Variants in PIWIL4 observed in about 807,000 individuals in gnomAD.
The protein encoded by PIWIL4 is piwi like RNA-mediated gene silencing 4.
PIWIL4 carries 50 observed loss-of-function variants against 100.9 expected under a neutral mutation model. The ratio of observed to expected loss-of-function variants is 0.50; its 90% CI spans 0.39 to 0.63. The LOEUF (loss-of-function observed/expected upper bound fraction) is 0.63, where lower values mean the gene tolerates loss of function less well. Ranked by LOEUF, PIWIL4 falls within the 20% of genes least tolerant of loss-of-function variation. The probability of loss-of-function intolerance (pLI) is 0.00; values close to 1 mark genes in which losing one functional copy is unlikely to be tolerated. For synonymous variants in PIWIL4, 342 were observed against 367.5 expected, an observed-to-expected ratio of 0.93 and a Z score of 0.79; for missense variants, 887 against 1,043.3, an observed-to-expected ratio of 0.85 and a Z score of 2.06.
chr11:94,607,390 T>A (rs1233255522), intron 13 of PIWIL4, 49 bp from the exon 14 acceptor site: 1 of 1,514,588 alleles, frequency 6.6e-7, no homozygotes, highest in African/African-American at 1.4e-5. Flanking sequence ...AGCAACTTCT[T>A]AGCAGAAGTA....
Position 94,619,886 on chromosome 11 carries a change from G to T in PIWIL4, c.2294+1G>T. 1 of 1,614,200 alleles carries T rather than the reference G, an allele frequency of 6.2e-7. No individual in the cohort carries two copies. The highest frequency in any genetic ancestry group is 8.5e-7 in the Non-Finnish European group (1 of 1,180,036). ...ATTCAGAAGCAACACGTAACGAATGGCAAGTGCCGCTGGAAAATCAATTTT... is the reference window on the plus strand; with the variant it reads ...ATTCAGAAGCAACACGTAACGAATGTCAAGTGCCGCTGGAAAATCAATTTT... On this transcript the variant is annotated splice_donor_variant, in intron 18 of 19. Coordinates refer to ENST00000299001, the MANE Select transcript of PIWIL4 (RefSeq NM_152431.3). LOFTEE classifies it high-confidence loss of function.
chr11:94,594,702 T>G (rs1328625370), intron 9 of PIWIL4, among the ~76,000 whole-genome samples: 2 of 151,986 alleles, frequency 1.3e-5, no homozygotes. Flanking sequence ...CTGGCTAGTT[T>G]TGTATTTTTA....
intron 8 of PIWIL4, among the ~76,000 whole-genome samples, chr11:94,589,446 C>T (rs1948451553): frequency 6.6e-6 from 1 of 152,114 alleles, no homozygotes; most frequent in African/African-American, 2.4e-5. Context: ...AGTAATCTCC[C>T]TTTAAAGCAT....
intron 2 of PIWIL4, among the ~76,000 whole-genome samples, chr11:94,570,623 G>T (rs1245980911): frequency 1.3e-5 from 2 of 152,140 alleles, no homozygotes; most frequent in Non-Finnish European, 2.9e-5. Context: ...GGGCGTGATG[G>T]CTCATGCCTG....
chr11:94,613,483 G>A (rs1485088158), intron 15 of PIWIL4, among the ~76,000 whole-genome samples: 1 of 152,120 alleles, frequency 6.6e-6, no homozygotes, highest in African/African-American at 2.4e-5. Context: ...CGTGTACCTG[G>A]ATGTTCCTAT....
intron 2 of PIWIL4, among the ~76,000 whole-genome samples, chr11:94,571,171 A>G (rs771919048): frequency 3.3e-4 from 50 of 152,194 alleles, no homozygotes; most frequent in Non-Finnish European, 6.9e-4. Flanking sequence ...CTACTCTGAC[A>G]GGCCCAGTGC....
intron 19 of PIWIL4, 51 bp downstream of exon 19, chr11:94,620,195 C>T (rs769249909): frequency 1.3e-6 from 2 of 1,509,962 alleles, no homozygotes; most frequent in South Asian, 2.6e-5. Context: ...AGAGTCCCAC[C>T]TAGGAATTAT....
intron 11 of PIWIL4, among the ~76,000 whole-genome samples, 198 bp downstream of exon 11, chr11:94,598,113 G>T (rs969108790): frequency 6.6e-6 from 1 of 152,078 alleles, no homozygotes; most frequent in Non-Finnish European, 1.5e-5. Context: ...GGCACCCAGT[G>T]GACATGATTT....
chr11:94,594,828 G>A (rs374031322), intron 9 of PIWIL4, among the ~76,000 whole-genome samples: 21 of 152,250 alleles, frequency 1.4e-4, no homozygotes, highest in African/African-American at 3.1e-4. Context: ...CACAGCGCCC[G>A]GCCTAAGGGG....
chr11:94,585,465 T>G lies in PIWIL4; in HGVS notation c.656T>G (p.Met219Arg). The change falls in exon 6 of 20, where the codon ATG (methionine) becomes AGG (arginine). Residue 219 changes from methionine to arginine, a missense_variant. Met to Arg is a moderately conservative substitution (Grantham distance 91, BLOSUM62 -1). Around this residue, in one of 2 missense-constraint regions of PIWIL4, gnomAD observed 741 missense variants for 930.0 expected, o/e 0.80. Coordinates refer to ENST00000299001, the MANE Select transcript of PIWIL4 (RefSeq NM_152431.3). ...TGCAGGATCCTCAAAAAGTTGTCCA[T>G]GTACCAAATTGGACGGAACTTCTAT... Reference protein sequence around the residue: ...IFRKILKKLSMYQIGRNFYNP... With the variant: ...IFRKILKKLSRYQIGRNFYNP... 1 of 1,610,334 alleles carries G rather than the reference T, an allele frequency of 6.2e-7. No individual in the cohort carries two copies. The highest frequency in any genetic ancestry group is 2.2e-5 in the East Asian group (1 of 44,730).
intron 16 of PIWIL4, among the ~76,000 whole-genome samples, chr11:94,617,247 A>C (rs1433367196): frequency 6.6e-6 from 1 of 152,250 alleles, no homozygotes; most frequent in African/African-American, 2.4e-5. Flanking sequence ...TGAATTTCCT[A>C]AACAATAAAC....
intron 8 of PIWIL4, among the ~76,000 whole-genome samples, chr11:94,592,797 T>G (rs11020848): frequency 0.072 from 10,936 of 152,196 alleles, 780 homozygotes; most frequent in African/African-American, 0.18. Context: ...TGCTGAAACT[T>G]AAGTTTAGGA....
intron 11 of PIWIL4, among the ~76,000 whole-genome samples, chr11:94,598,537 T>A (rs1401765252): frequency 6.6e-6 from 1 of 152,168 alleles, no homozygotes; most frequent in South Asian, 2.1e-4. Flanking sequence ...AATTATACAT[T>A]ATCTTTCTCC....
At chr11:94,598,734 G>A (rs1168003280) in intron 11 of PIWIL4, among the ~76,000 whole-genome samples, 1 of 140,000 alleles carries the variant, frequency 7.1e-6, no homozygotes, top group Non-Finnish European at 1.5e-5. Context: ...TTTGAGACAG[G>A]TCTCATTCTG....
chr11:94,592,883 A>T (rs966023630), intron 8 of PIWIL4, among the ~76,000 whole-genome samples: 1 of 152,320 alleles, frequency 6.6e-6, no homozygotes, highest in Admixed American at 6.5e-5. Context: ...AGTGGTTTAC[A>T]CAGGATACCT....
intron 2 of PIWIL4, among the ~76,000 whole-genome samples, chr11:94,570,956 C>T (rs919358392): frequency 2.0e-5 from 3 of 152,040 alleles, no homozygotes; most frequent in Admixed American, 1.3e-4. Context: ...GTTCTGACCC[C>T]GGTGTTTTTT....
chr11:94,598,315 T>G (rs1948585140), intron 11 of PIWIL4, among the ~76,000 whole-genome samples: 1 of 152,170 alleles, frequency 6.6e-6, no homozygotes, highest in Non-Finnish European at 1.5e-5. Flanking sequence ...GCAATGAGCT[T>G]TTGCAATGAC....
intron 12 of PIWIL4, among the ~76,000 whole-genome samples, chr11:94,602,985 A>G (rs1591797408): frequency 1.3e-5 from 2 of 152,212 alleles, no homozygotes; most frequent in African/African-American, 4.8e-5. Flanking sequence ...GAACAAGCCC[A>G]TTGCTATGTT....
intron 10 of PIWIL4, among the ~76,000 whole-genome samples, chr11:94,597,237 T>C (rs1435744517): frequency 6.6e-6 from 1 of 152,236 alleles, no homozygotes; most frequent in Non-Finnish European, 1.5e-5. Context: ...TTATGTTCCC[T>C]TCTTTTATCA....
Sources: gnomAD v4.1 joint callset for allele counts (sites outside exome capture counted in the v4.1 genomes callset) on GRCh38, gnomAD v4.1.1 for gene constraint, gnomAD v4.1.1 regional missense constraint, MANE v1.5 for transcripts, NCBI Gene and HGNC (gene_info 2026-07-23, HGNC 2026-07-21) for gene names.